The following CPT1B variants were observed in gnomAD, a reference collection of about 807,000 sequenced individuals.
CPT1B encodes carnitine O-palmitoyltransferase 1, muscle isoform.
Under a neutral mutation model 92.7 loss-of-function variants are expected in CPT1B, and 57 were observed. That is an observed-to-expected ratio of 0.62 (90% confidence interval 0.50 to 0.77). The LOEUF (loss-of-function observed/expected upper bound fraction) is 0.77, where lower values mean the gene tolerates loss of function less well. Ranked by LOEUF, CPT1B falls within the 30% of genes least tolerant of loss-of-function variation. The probability of loss-of-function intolerance (pLI) is 0.00; values close to 1 mark genes in which losing one functional copy is unlikely to be tolerated. For missense variants in CPT1B, 983 were observed against 1,017.4 expected (o/e 0.97, Z 0.46); for synonymous variants, 398 against 383.5 (o/e 1.04, Z -0.44).
At chr22:50,572,556 A>C (rs1469568961) in intron 11 of CPT1B, among the ~76,000 whole-genome samples, 1 of 151,960 alleles carries the variant, frequency 6.6e-6, no homozygotes, top group Non-Finnish European at 1.5e-5. Context: ...AGCTGGGATT[A>C]CAGGTGCCTG....
Position 50,577,739 on chromosome 22 carries a change from C to T in CPT1B, c.141+36G>A, listed in dbSNP as rs2070522297. 1.9e-6 allele frequency: 3 copies of T among 1,603,414 alleles called. No homozygotes were observed. The East Asian group carries it at 6.7e-5, about 36-fold the overall frequency. ...AAGCGCTTAACAGCTGACAGCCGGC[C>T]TCTGCCTACGCTCTGGGAGAAGCAC... On this transcript the variant is annotated intron_variant, in intron 2 of 19. Coordinates refer to ENST00000312108, the MANE Select transcript of CPT1B (RefSeq NM_152246.3).
chr22:50,577,103 CAG>C, intron 3 of CPT1B, 69 bp from the exon 4 acceptor site: 5 of 1,560,562 alleles, frequency 3.2e-6, no homozygotes, highest in African/African-American at 1.4e-5. Flanking sequence ...TGAACTGTCT[CAG>C]GGGAGACACC....
chr22:50,576,066 G>A lies in CPT1B; in HGVS notation c.746C>T (p.Pro249Leu), dbSNP rs765107256. 5.0e-6 allele frequency: 8 copies of A among 1,614,148 alleles called. No homozygotes were observed. The Admixed American group carries it at 1.3e-4, about 27-fold the overall frequency. The stretch of plus-strand genomic sequence containing the variant: ...ATAATAGTTGCTGTTCACCATGAGA[G>A]GGCTCCTGCCTCGAAGGTAGATGTA... ...EEYIYLRGRSPLMVNSNYYVM... is the reference protein window; with the variant it reads ...EEYIYLRGRSLLMVNSNYYVM... The change falls in exon 7 of 20, where the codon CCT becomes CTT. Residue 249 changes from proline (P) to leucine (L), a missense_variant. By Grantham distance (98) the Pro-to-Leu change is moderately conservative (BLOSUM62 -3). Transcript: ENST00000312108.
chr22:50,576,508 C>T (rs2070444207), intron 5 of CPT1B, 28 bp downstream of exon 5: 1 of 1,592,590 alleles, frequency 6.3e-7, no homozygotes, highest in African/African-American at 1.3e-5. Context: ...CTCCCCTGCC[C>T]ACTGGGATGC....
At chr22:50,569,816 G>C in intron 17 of CPT1B, 148 bp from the exon 18 acceptor site, 1 of 688,122 alleles carries the variant, frequency 1.5e-6, no homozygotes, top group Non-Finnish European at 2.5e-6. Flanking sequence ...CCACCCCCAG[G>C]AAACTGTGAA....
intron 19 of CPT1B, 98 bp from the exon 20 acceptor site, chr22:50,569,179 G>A (rs2070031116): frequency 9.5e-6 from 6 of 634,826 alleles, no homozygotes. Flanking sequence ...CCACCACCTG[G>A]GCCCTCAGGG....
In CPT1B at chr22:50,570,408, T is replaced by G; in HGVS notation, c.2029-2A>C. On this transcript the variant is annotated splice_acceptor_variant, in intron 16 of 19. Transcript: ENST00000312108. LOFTEE classifies it high-confidence loss of function. ...GAGACGCCAGGGTTCCGAGAGCACCTGCAATGGAGGCCACAGCTGGTCAGA... is the reference window on the plus strand; with the variant it reads ...GAGACGCCAGGGTTCCGAGAGCACCGGCAATGGAGGCCACAGCTGGTCAGA... 6.3e-7 allele frequency: 1 copy of G among 1,588,638 alleles called. No homozygotes were observed. The highest frequency in any genetic ancestry group is 8.6e-7 in the Non-Finnish European group (1 of 1,166,224).
chr22:50,573,957 T>C lies in CPT1B; in HGVS notation c.971-242A>G. ...TTTCACAGAAGAGGAAACGACGCAC[T>C]AGAGGGTTGTGCAAACCGCCTAAGG... is the stretch of plus-strand genomic sequence containing the variant. On this transcript the variant is annotated intron_variant, in intron 9 of 19. Coordinates refer to ENST00000312108, the MANE Select transcript of CPT1B (RefSeq NM_152246.3). The surrounding 1 kb of genome is among the most constrained non-coding windows in gnomAD (Gnocchi z 5.0). 1 of 705,768 alleles carries C rather than the reference T, an allele frequency of 1.4e-6. No individual in the cohort carries two copies. Among genetic ancestry groups the C allele is most frequent in the Non-Finnish European group, 2.6e-6 (1 of 378,492 alleles). The allele number at this position is 705,768 out of a possible 1,614,324, so 43.7% of individuals were successfully genotyped here.
Position 50,576,118 on chromosome 22 carries a change from G to GGGAGGTGGAAGGTT in CPT1B, c.700-20_700-7dup. ...TCTTCCCACCAGTCACTCACCTGTG[G>GGGAGGTGGAAGGTT]GGAGGTGGAAGGTTAGAGCTGGGGC... On this transcript the variant is annotated splice_region_variant and splice_polypyrimidine_tract_variant and intron_variant, in intron 6 of 19. Coordinates refer to ENST00000312108, the MANE Select transcript of CPT1B (RefSeq NM_152246.3). 1 of 1,614,124 alleles carries GGGAGGTGGAAGGTT rather than the reference G, an allele frequency of 6.2e-7. No homozygotes were observed. The highest frequency in any genetic ancestry group is 1.1e-5 in the South Asian group (1 of 91,084).
In CPT1B at chr22:50,569,619, G is replaced by A. The variant is rs139996419; in HGVS notation, c.2192C>T (p.Thr731Met). Reference protein sequence around the residue: ...GVSYMIAGENTIFFHISSKFS... With the variant: ...GVSYMIAGENMIFFHISSKFS... ...CTTGCTGGAGATGTGGAAGAAGATCGTGTTCTCGCCTGCAATCATGTAGGA... is the reference window on the plus strand; with the variant it reads ...CTTGCTGGAGATGTGGAAGAAGATCATGTTCTCGCCTGCAATCATGTAGGA... The change falls in exon 18 of 20, where the codon ACG becomes ATG. Residue 731 changes from threonine (T) to methionine (M), a missense_variant. Coordinates refer to ENST00000312108, the MANE Select transcript of CPT1B (RefSeq NM_152246.3). The A allele has an allele frequency of 2.9e-4, 472 of 1,614,068 alleles. No homozygotes were observed. The highest frequency in any genetic ancestry group is 2.8e-4 in the Non-Finnish European group (328 of 1,180,016).
Position 50,573,651 on chromosome 22 carries a change from C to T in CPT1B, c.1035G>A (p.Lys345=). ...GACGGGCGCCCTCATAGAGCCACAG[C>T]TTGAAGAAGCGTCCCTTGTGGTAGA... The part of the protein sequence containing the change: ...VAVYHKGRFF[K]LWLYEGARLL... Residue 345 remains lysine (K), a synonymous_variant, in exon 10 of 20, where the codon AAG becomes AAA. Coordinates refer to ENST00000312108, the MANE Select transcript of CPT1B (RefSeq NM_152246.3). This position sits in a 1 kb window ranked among gnomAD's most constrained non-coding sequence, Gnocchi z 5.0. 1 of 1,613,376 alleles carries T rather than the reference C, an allele frequency of 6.2e-7. No homozygotes were observed. Among genetic ancestry groups the T allele is most frequent in the African/African-American group, 1.3e-5 (1 of 75,038 alleles).
chr22:50,577,681 T>G, intron 2 of CPT1B, 94 bp downstream of exon 2: 1 of 1,539,974 alleles, frequency 6.5e-7, no homozygotes, highest in Non-Finnish European at 8.8e-7. Flanking sequence ...CGGGCAGAAG[T>G]GCCAGCCAAG....
chr22:50,577,992 C>T lies in CPT1B; in HGVS notation c.-19-58G>A, dbSNP rs2070545132. On this transcript the variant is annotated intron_variant, in intron 1 of 19. Transcript: ENST00000312108. ...CTTAGGCCGGCCCCGCCGCCAGCCG[C>T]GCCGAGACGCCCCCAGCCAGTCCGC... The T allele has an allele frequency of 6.0e-6, 8 of 1,331,474 alleles. No individual in the cohort carries two copies. In the South Asian group the frequency reaches 1.0e-4, roughly 17 times the overall value. The allele number at this position is 1,331,474 out of a possible 1,614,324, so 82.5% of individuals were successfully genotyped here. A position where few individuals can be genotyped will look rare whatever the true frequency, so the allele number is the denominator to read the frequency against.
At position 50,573,732 on chromosome 22, in the gene CPT1B, G is replaced by C. The variant is rs780559998; in HGVS notation, c.971-17C>G. ...GTAGCACATCTGTGATACAGGCCAC[G>C]GGCAAGCTGAGGCGGGGCCCCCAGC... On this transcript the variant is annotated splice_polypyrimidine_tract_variant and intron_variant, in intron 9 of 19. Transcript: ENST00000312108. This position sits in a 1 kb window ranked among gnomAD's most constrained non-coding sequence, Gnocchi z 5.0. 5 of 1,607,054 alleles carry C rather than the reference G, an allele frequency of 3.1e-6. No homozygotes were observed. The highest frequency in any genetic ancestry group is 1.7e-5 in the Admixed American group (1 of 59,460).
At chr22:50,570,604 TC>T (rs1432290585) in intron 16 of CPT1B, among the ~76,000 whole-genome samples, 198 bp from the exon 17 acceptor site, 3 of 152,076 alleles carry the variant, frequency 2.0e-5, no homozygotes, top group Non-Finnish European at 4.4e-5. Context: ...GCTCTGCCTC[TC>T]CCCCACATAG....
rs991062071 is a variant in CPT1B, at chr22:50,577,567, C to G, written c.142-104G>C. 1.4e-5 allele frequency: 21 copies of G among 1,493,610 alleles called. No individual in the cohort carries two copies. In the African/African-American group the frequency reaches 2.5e-4, roughly 18 times the overall value. The allele number at this position is 1,493,610 out of a possible 1,614,324, so 92.5% of individuals were successfully genotyped here. ...CTGGTCTTGGCCTGGAAGGCTTTCT[C>G]TCCTGATGCCCTGCTGTGCTCCTTC... On this transcript the variant is annotated intron_variant, in intron 2 of 19. Coordinates refer to ENST00000312108, the MANE Select transcript of CPT1B (RefSeq NM_152246.3).
intron 4 of CPT1B, 81 bp from the exon 5 acceptor site, chr22:50,576,718 A>AAT: frequency 6.5e-7 from 1 of 1,544,564 alleles, no homozygotes; most frequent in South Asian, 1.1e-5. Context: ...AGACCCTCAG[A>AAT]GCCATCCCAG....
chr22:50,576,289 C>T lies in CPT1B; in HGVS notation c.608G>A (p.Arg203His), dbSNP rs776687266. The change falls in exon 6 of 20, where the codon CGC (arginine) becomes CAC (histidine). Residue 203 changes from arginine (R) to histidine (H), a missense_variant. Arg to His is a conservative substitution (Grantham distance 29). Coordinates refer to ENST00000312108, the MANE Select transcript of CPT1B (RefSeq NM_152246.3). The part of the protein sequence containing the change: ...RPLLDDEEYY[R>H]MELLAKEFQD... Reference sequence around the variant, plus strand: ...GAATTCTTTGGCCAGCAACTCCATGCGGTAATATTCCTCATCATCCAACAA... The same window carrying T: ...GAATTCTTTGGCCAGCAACTCCATGTGGTAATATTCCTCATCATCCAACAA... 8.1e-6 allele frequency: 13 copies of T among 1,614,060 alleles called. No individual in the cohort carries two copies. Among genetic ancestry groups the T allele is most frequent in the African/African-American group, 4.0e-5 (3 of 75,004 alleles).
At chr22:50,577,484 C>T (rs375944324) in intron 2 of CPT1B, 21 bp from the exon 3 acceptor site, 4 of 1,612,430 alleles carry the variant, frequency 2.5e-6, no homozygotes, top group South Asian at 2.2e-5. Flanking sequence ...AAACAGGCGC[C>T]CTTATGGAGC....
Sources: gnomAD v4.1 joint callset for allele counts (sites outside exome capture counted in the v4.1 genomes callset) on GRCh38, gnomAD v4.1.1 for gene constraint, Gnocchi (gnomAD v3.1) non-coding constraint, MANE v1.5 for transcripts, NCBI Gene and HGNC (gene_info 2026-07-23, HGNC 2026-07-21) for gene names.